Variants in PARP10 observed in about 807,000 individuals in gnomAD.
PARP10 encodes the protein poly(ADP-ribose) polymerase family member 10.
Under a neutral mutation model 82.4 loss-of-function variants are expected in PARP10, and 56 were observed. That is an observed-to-expected ratio of 0.68 (90% CI 0.55 to 0.85). PARP10 has a LOEUF of 0.85. PARP10 is among the 40% of genes least tolerant of loss of function. The pLI is 0.00. For missense variants in PARP10, 1,227 were observed against 1,379.4 expected (o/e 0.89, Z 1.75); for synonymous variants, 576 against 601.1 (o/e 0.96, Z 0.61).
intron 9 of PARP10, among the ~76,000 whole-genome samples, chr8:143,980,292 C>T (rs147251290): frequency 0.035 from 4,595 of 132,466 alleles, 309 homozygotes; most frequent in African/African-American, 0.12. Context: ...TGCACTCCAG[C>T]CTGGGCTACT....
At chr8:143,978,519 C>A (rs1833771774) in intron 9 of PARP10, among the ~76,000 whole-genome samples, 1 of 152,198 alleles carries the variant, frequency 6.6e-6, no homozygotes, top group Non-Finnish European at 1.5e-5. Context: ...TAAATAGTTT[C>A]TTCAGAGAGT....
In PARP10 at chr8:143,977,744, G is replaced by A. The variant is rs1554746595; in HGVS notation, c.2818C>T (p.His940Tyr). Residue 940 changes from histidine to tyrosine, a missense_variant, in exon 11 of 11, where the codon CAT (histidine) becomes TAT (tyrosine). Physicochemically the swap from His to Tyr is moderately conservative, Grantham distance 83. Transcript: ENST00000313028. ...DRYSPPNADGHKAVFVARVLT... is the reference protein window; with the variant it reads ...DRYSPPNADGYKAVFVARVLT... ...ACCCGTGCCACGAACACCGCCTTAT[G>A]GCCATCGGCGTTGGGGGGCGAGTAG... 1 of 1,603,046 alleles carries A rather than the reference G, an allele frequency of 6.2e-7. No homozygotes were observed.
At chr8:144,006,696 G>A (rs1587476806) in intron 1 of PARP10, among the ~76,000 whole-genome samples, 1 of 152,148 alleles carries the variant, frequency 6.6e-6, no homozygotes, top group African/African-American at 2.4e-5. Context: ...AGGTCATGAG[G>A]GTGGAGCCTT....
At chr8:143,997,411 G>A (rs1208754976) in intron 1 of PARP10, among the ~76,000 whole-genome samples, 10 of 152,086 alleles carry the variant, frequency 6.6e-5, no homozygotes, top group Admixed American at 2.6e-4. Context: ...GAGGACTCGA[G>A]TACCAAGCTC....
Position 143,985,332 on chromosome 8 carries a change from G to A in PARP10, c.674-4C>T, listed in dbSNP as rs1554749026. Reference sequence around the variant, plus strand: ...TGCTGCAACACTCGTTCTGCCACTTGGAGGAAGGGAAAGGACAGAAAGCCT... The same window carrying A: ...TGCTGCAACACTCGTTCTGCCACTTAGAGGAAGGGAAAGGACAGAAAGCCT... On this transcript the variant is annotated splice_region_variant and splice_polypyrimidine_tract_variant and intron_variant, in intron 4 of 10. Transcript: ENST00000313028. 6.2e-7 allele frequency: 1 copy of A among 1,600,854 alleles called. No homozygotes were observed. Among genetic ancestry groups the A allele is most frequent in the Non-Finnish European group, 8.5e-7 (1 of 1,172,936 alleles).
chr8:143,985,699 C>T, intron 3 of PARP10, 22 bp downstream of exon 3: 1 of 1,601,286 alleles, frequency 6.2e-7, no homozygotes, highest in Middle Eastern at 1.7e-4. Context: ...GCCAGCACCT[C>T]AACCCCAACC....
chr8:143,995,970 A>G (rs1417227494), upstream of PARP10, among the ~76,000 whole-genome samples: 1 of 152,204 alleles, frequency 6.6e-6, no homozygotes, highest in Non-Finnish European at 1.5e-5. Context: ...AATACGATGC[A>G]TTGAGATTCC....
chr8:144,002,096 G>A (rs1554751737), intron 1 of PARP10, among the ~76,000 whole-genome samples: 1 of 152,066 alleles, frequency 6.6e-6, no homozygotes, highest in African/African-American at 2.4e-5. Context: ...GCTGATAATT[G>A]TACAAGCTGG....
Position 144,011,210 on chromosome 8 carries a change from C to T in PARP10, c.-80+1320G>A, listed in dbSNP as rs1186754456. ...AACAGTGAAATAAGACCATGACAAG[C>T]TAATTTTCACATGTTGAAGGAAAGC... On this transcript the variant is annotated intron_variant, in intron 1 of 3. Transcript: ENST00000530478. The surrounding 1 kb of genome is among the most constrained non-coding windows in gnomAD (Gnocchi z 4.5). 6.6e-6 allele frequency among the ~76,000 whole-genome samples: 1 copy of T among 152,096 alleles called. No individual in the cohort carries two copies. The highest frequency in any genetic ancestry group is 1.5e-5 in the Non-Finnish European group (1 of 68,038).
intron 1 of PARP10, among the ~76,000 whole-genome samples, chr8:144,001,394 T>G (rs1554751699): frequency 6.6e-6 from 1 of 152,096 alleles, no homozygotes; most frequent in Non-Finnish European, 1.5e-5. Flanking sequence ...CGAACCTTAG[T>G]TTTTAAAATA....
chr8:144,005,546 C>T (rs1834230964), intron 1 of PARP10, among the ~76,000 whole-genome samples: 1 of 152,146 alleles, frequency 6.6e-6, no homozygotes, highest in South Asian at 2.1e-4. Flanking sequence ...TCCCTAGAAA[C>T]CCTCGTAGCC....
chr8:143,988,148 C>CG (rs1834025786), upstream of PARP10, among the ~76,000 whole-genome samples: 2 of 105,528 alleles, frequency 1.9e-5, no homozygotes, highest in Admixed American at 8.7e-5. Context: ...CCTTACTCTG[C>CG]CTTTTTTTTT....
In PARP10 at chr8:143,983,743, C is replaced by T. The variant is rs1554748407; in HGVS notation, c.1846G>A (p.Glu616Lys). 1.2e-6 allele frequency: 2 copies of T among 1,612,286 alleles called. No individual in the cohort carries two copies. The highest frequency in any genetic ancestry group is 3.3e-5 in the Admixed American group (2 of 59,898). Reference sequence around the variant, plus strand: ...TCCTGAGGCCCTTCCTCCTCCAGCTCCCGAGGCAGCCAGTCCTCCCCGTCT... The same window carrying T: ...TCCTGAGGCCCTTCCTCCTCCAGCTTCCGAGGCAGCCAGTCCTCCCCGTCT... ...DLDGEDWLPRELEEEGPQEQP... is the reference protein window; with the variant it reads ...DLDGEDWLPRKLEEEGPQEQP... The change falls in exon 8 of 11, where the codon GAG becomes AAG. Residue 616 changes from glutamate to lysine, a missense_variant. Coordinates refer to ENST00000313028, the MANE Select transcript of PARP10 (RefSeq NM_032789.5).
chr8:143,978,407 C>T (rs1256498022), intron 9 of PARP10, among the ~76,000 whole-genome samples: 1 of 152,160 alleles, frequency 6.6e-6, no homozygotes, highest in Non-Finnish European at 1.5e-5. Context: ...GACTCCAACA[C>T]GAGGAGATGC....
At chr8:143,993,600 C>G (rs1267475389), upstream of PARP10, among the ~76,000 whole-genome samples, 1 of 152,190 alleles carries the variant, frequency 6.6e-6, no homozygotes, top group Non-Finnish European at 1.5e-5. Context: ...GGACAGAGAC[C>G]CTGGGGTGCC....
In PARP10 at chr8:143,985,446, G is replaced by A. The variant is rs781843785; in HGVS notation, c.639C>T (p.Pro213=). ...PLEDLQRLPG[P]LGTVASFQQW... is the part of the protein sequence containing the mutation. ...GCTGGAAGGAGGCAACAGTGCCCAGGGGCCCGGGTAGGCGTTGCAGGTCCT... is the reference window on the plus strand; with the variant it reads ...GCTGGAAGGAGGCAACAGTGCCCAGAGGCCCGGGTAGGCGTTGCAGGTCCT... The change falls in exon 4 of 11, where the codon CCC becomes CCT. Residue 213 remains proline, a synonymous_variant. Transcript: ENST00000313028. 3 of 1,611,868 alleles carry A rather than the reference G, an allele frequency of 1.9e-6. No homozygotes were observed. Among genetic ancestry groups the A allele is most frequent in the Non-Finnish European group, 2.5e-6 (3 of 1,179,102 alleles).
At chr8:144,002,845 G>T (rs1834211188) in intron 1 of PARP10, among the ~76,000 whole-genome samples, 1 of 152,148 alleles carries the variant, frequency 6.6e-6, no homozygotes, top group South Asian at 2.1e-4. Flanking sequence ...GGGAGCCCAA[G>T]GTAGGAGGAT....
At chr8:143,982,894 G>T in intron 9 of PARP10, 38 bp downstream of exon 9, 1 of 1,607,926 alleles carries the variant, frequency 6.2e-7, no homozygotes, top group Non-Finnish European at 8.5e-7. Flanking sequence ...CAAGAGCCCA[G>T]GACGCCATGA....
Position 143,983,187 on chromosome 8 carries a change from A to G in PARP10, c.2402T>C (p.Leu801Ser). ...CTCACAGGTAGGGCCTGAAGCTGCCAAGGGAAAGGCCAAACTCTGATCCCA... is the reference window on the plus strand; with the variant it reads ...CTCACAGGTAGGGCCTGAAGCTGCCGAGGGAAAGGCCAAACTCTGATCCCA... ...GPWDQSLAFP[L>S]AASGPTLAGQ... Residue 801 changes from leucine (L) to serine (S), a missense_variant, in exon 8 of 11, where the codon TTG becomes TCG. Transcript: ENST00000313028. The G allele has an allele frequency of 6.2e-7, 1 of 1,613,654 alleles. No individual in the cohort carries two copies. The highest frequency in any genetic ancestry group is 8.5e-7 in the Non-Finnish European group (1 of 1,179,888).
Sources: gnomAD v4.1 joint callset for allele counts (sites outside exome capture counted in the v4.1 genomes callset) on GRCh38, gnomAD v4.1.1 for gene constraint, Gnocchi (gnomAD v3.1) non-coding constraint, MANE v1.5 for transcripts, NCBI Gene and HGNC (gene_info 2026-07-23, HGNC 2026-07-21) for gene names.